TNS3: variants seen among roughly 807,000 people sequenced by gnomAD.
TNS3 encodes tensin 3.
TNS3 carries 45 observed loss-of-function variants against 140.9 expected under a neutral mutation model. The observed-to-expected ratio is 0.32, with a 90% confidence interval of 0.25 to 0.41. TNS3 has a LOEUF of 0.41. Among genes scored for constraint, TNS3 ranks in the 10% least tolerant of loss-of-function variants. The pLI, the probability that TNS3 is intolerant of heterozygous loss-of-function variation, is 1.00. For missense variants in TNS3, 1,716 were observed against 1,906.7 expected (o/e 0.90, Z 1.86); for synonymous variants, 815 against 788.4 (o/e 1.03, Z -0.56).
rs560579477 is a variant in TNS3 at position 47,292,820 on chromosome 7, C to A, written c.3850+8G>T. On this transcript the variant is annotated splice_region_variant and intron_variant, in intron 26 of 30. Transcript: ENST00000311160. ...CACAGAGCCTGACTAGCACTGAGGACCCCTTACCTCTCTCTGGGATAAGCA... is the reference window on the plus strand; with the variant it reads ...CACAGAGCCTGACTAGCACTGAGGAACCCTTACCTCTCTCTGGGATAAGCA... The A allele has an allele frequency of 1.5e-5, 24 of 1,613,848 alleles. 1 individual carries two copies. The East Asian group carries it at 1.6e-4, about 10-fold the overall frequency.
At chr7:47,408,206 C>T (rs1384749519) in intron 13 of TNS3, among the ~76,000 whole-genome samples, 1 of 152,080 alleles carries the variant, frequency 6.6e-6, no homozygotes, top group Non-Finnish European at 1.5e-5. Flanking sequence ...AGGAGGCCAC[C>T]GCCTCCTTCA....
At chr7:47,338,889 C>A (rs1455640620) in intron 20 of TNS3, among the ~76,000 whole-genome samples, 2 of 152,160 alleles carry the variant, frequency 1.3e-5, no homozygotes, top group African/African-American at 4.8e-5. Context: ...AATGGCAGTT[C>A]TGTTTTCAGT....
At position 47,442,045 on chromosome 7, in the gene TNS3, C is replaced by T; in HGVS notation, c.-65G>A. Reference sequence around the variant, plus strand: ...GCAGAGAGAACTGGACAGCGTGGAACTCCCTGGAGCCTGCAAATAACAAAA... The same window carrying T: ...GCAGAGAGAACTGGACAGCGTGGAATTCCCTGGAGCCTGCAAATAACAAAA... On this transcript the variant is annotated 5_prime_UTR_variant, in exon 5 of 31. Transcript: ENST00000311160. 7.8e-7 allele frequency: 1 copy of T among 1,275,772 alleles called. No homozygotes were observed. Among genetic ancestry groups the T allele is most frequent in the Non-Finnish European group, 1.0e-6 (1 of 985,134 alleles). The allele number at this position is 1,275,772 out of a possible 1,614,324, so 79.0% of individuals were successfully genotyped here.
In TNS3 at chr7:47,359,731, T is replaced by C. The variant is rs7798200; in HGVS notation, c.2281+8634A>G. ...AGTGTTAGGGTGTTAAATTTAGTTTTCAGTATGTGCTTAAGGAGGTTATAT... is the reference window on the plus strand; with the variant it reads ...AGTGTTAGGGTGTTAAATTTAGTTTCCAGTATGTGCTTAAGGAGGTTATAT... On this transcript the variant is annotated intron_variant, in intron 17 of 30. Coordinates refer to ENST00000311160, the MANE Select transcript of TNS3 (RefSeq NM_022748.12). Among the ~76,000 whole-genome samples the C allele has an allele frequency of 3.5e-3, 539 of 152,340 alleles. 5 individuals are homozygous for C. The highest frequency in any genetic ancestry group is 0.017 in the Middle Eastern group (5 of 294).
At chr7:47,453,087 T>C in intron 4 of TNS3, 1 of 985,598 alleles carries the variant, frequency 1.0e-6, no homozygotes, top group African/African-American at 1.7e-5. Context: ...GCAGCTGGAA[T>C]AGCCCACCAG....
intron 16 of TNS3, among the ~76,000 whole-genome samples, chr7:47,395,599 A>T (rs543816157): frequency 6.6e-6 from 1 of 152,348 alleles, no homozygotes; most frequent in Admixed American, 6.5e-5. Flanking sequence ...ATCATTTTGC[A>T]AGAGTTTTCA....
chr7:47,476,743 C>T (rs1797208542), intron 4 of TNS3, among the ~76,000 whole-genome samples: 1 of 152,230 alleles, frequency 6.6e-6, no homozygotes, highest in African/African-American at 2.4e-5. Context: ...CAGAAAGGCA[C>T]ATGCCAATCA....
At chr7:47,475,809 G>T (rs1797175220) in intron 4 of TNS3, among the ~76,000 whole-genome samples, 1 of 152,226 alleles carries the variant, frequency 6.6e-6, no homozygotes, top group African/African-American at 2.4e-5. Flanking sequence ...ATCATGAAAA[G>T]ATCCTGCAAA....
In TNS3 at chr7:47,369,309, T is replaced by A; in HGVS notation, c.1337A>T (p.Asp446Val). Residue 446 changes from aspartate to valine, a missense_variant, in exon 17 of 31, where the codon GAT becomes GTT. Asp to Val is a radical substitution (Grantham distance 152). Coordinates refer to ENST00000311160, the MANE Select transcript of TNS3 (RefSeq NM_022748.12). ...DPGSSLKEMT[D>V]ARSKYSGTRH... ...GGTCCCACTGTACTTGCTTCGAGCA[T>A]CAGTCATTTCCTTGAGGGAGCTTCC... 6.2e-7 allele frequency: 1 copy of A among 1,614,118 alleles called. No homozygotes were observed. Among genetic ancestry groups the A allele is most frequent in the South Asian group, 1.1e-5 (1 of 91,068 alleles).
chr7:47,299,969 G>A (rs934997352), intron 23 of TNS3, among the ~76,000 whole-genome samples: 3 of 152,210 alleles, frequency 2.0e-5, no homozygotes, highest in Non-Finnish European at 4.4e-5. Context: ...CACCCCAGAA[G>A]TACAACTGGG....
chr7:47,548,847 A>G (rs1409750840), intron 1 of TNS3, among the ~76,000 whole-genome samples: 1 of 151,870 alleles, frequency 6.6e-6, no homozygotes, highest in African/African-American at 2.4e-5. Context: ...GCTCACTTCA[A>G]CCCTCCAAAT....
chr7:47,439,433 A>T, intron 6 of TNS3, 54 bp downstream of exon 6: 1 of 1,592,234 alleles, frequency 6.3e-7, no homozygotes, highest in East Asian at 2.2e-5. Flanking sequence ...CCATCCCTAC[A>T]CAGTGCCTGC....
intron 17 of TNS3, among the ~76,000 whole-genome samples, chr7:47,355,795 C>A (rs986237210): frequency 6.6e-6 from 1 of 152,174 alleles, no homozygotes; most frequent in African/African-American, 2.4e-5. Context: ...GTGATTCAGA[C>A]TGCTCTTGGA....
Position 47,400,418 on chromosome 7 carries a change from G to A in TNS3, c.894C>T (p.Phe298=). 6.2e-7 allele frequency: 1 copy of A among 1,614,130 alleles called. No individual in the cohort carries two copies. Among genetic ancestry groups the A allele is most frequent in the Non-Finnish European group, 8.5e-7 (1 of 1,180,034 alleles). ...FPDYGKVELV[F]SATPEKIQGS... Reference sequence around the variant, plus strand: ...CTTGAATCTTCTCAGGCGTGGCAGAGAAGACTAATTCAACCTTCCCATAGT... The same window carrying A: ...CTTGAATCTTCTCAGGCGTGGCAGAAAAGACTAATTCAACCTTCCCATAGT... The change falls in exon 15 of 31, where the codon TTC becomes TTT. Residue 298 remains phenylalanine, a synonymous_variant. Transcript: ENST00000311160.
chr7:47,444,435 G>A (rs1795622378), intron 4 of TNS3, among the ~76,000 whole-genome samples: 1 of 152,212 alleles, frequency 6.6e-6, no homozygotes, highest in African/African-American at 2.4e-5. Flanking sequence ...TATAACTCAT[G>A]GGGCAAAACT....
intron 20 of TNS3, among the ~76,000 whole-genome samples, chr7:47,308,400 C>T (rs751386684): frequency 2.8e-4 from 43 of 152,156 alleles, no homozygotes; most frequent in South Asian, 1.9e-3. Context: ...GTCTTAATGT[C>T]CTTGTCTTAA....
intron 16 of TNS3, among the ~76,000 whole-genome samples, chr7:47,375,033 G>A (rs987056004): frequency 3.3e-5 from 5 of 152,344 alleles, no homozygotes; most frequent in Non-Finnish European, 5.9e-5. Flanking sequence ...CCTGCCACTC[G>A]TCTGCTCCTT....
intron 5 of TNS3, among the ~76,000 whole-genome samples, chr7:47,441,466 G>A (rs1795462295): frequency 6.6e-6 from 1 of 152,182 alleles, no homozygotes; most frequent in African/African-American, 2.4e-5. Flanking sequence ...GTGAGCCACT[G>A]TGCCCGGCCC....
At chr7:47,409,088 C>T (rs1001979903) in intron 13 of TNS3, among the ~76,000 whole-genome samples, 4 of 150,430 alleles carry the variant, frequency 2.7e-5, no homozygotes, top group African/African-American at 9.8e-5. Context: ...GAAGGGGCCA[C>T]AGAAAATAAT....
Sources: gnomAD v4.1 joint callset for allele counts (sites outside exome capture counted in the v4.1 genomes callset) on GRCh38, gnomAD v4.1.1 for gene constraint, MANE v1.5 for transcripts, NCBI Gene and HGNC (gene_info 2026-07-23, HGNC 2026-07-21) for gene names.